The following PCDH15 variants were observed in gnomAD, a reference collection of about 807,000 sequenced individuals.
The protein encoded by PCDH15 is protocadherin-15.
A neutral mutation model predicts 178.5 loss-of-function variants in PCDH15; 129 were observed. The ratio of observed to expected loss-of-function variants is 0.72; its 90% CI spans 0.63 to 0.84. The LOEUF is 0.84. Ranked by LOEUF, PCDH15 falls within the 40% of genes least tolerant of loss-of-function variation. The pLI is 0.00. For synonymous variants in PCDH15, 800 were observed against 732.0 expected (o/e 1.09, Z -1.50); for missense variants, 2,230 against 2,099.9 (o/e 1.06, Z -1.21).
chr10:54,071,178 G>A (rs927060815), intron 17 of PCDH15, among the ~76,000 whole-genome samples: 1 of 151,978 alleles, frequency 6.6e-6, no homozygotes, highest in Non-Finnish European at 1.5e-5. Flanking sequence ...AATGCGCCTT[G>A]TATTATACAG....
At chr10:55,028,067 C>T (rs1447857043) in intron 2 of PCDH15, among the ~76,000 whole-genome samples, 3 of 151,862 alleles carry the variant, frequency 2.0e-5, no homozygotes, top group Admixed American at 6.6e-5. Flanking sequence ...AGTAATTGAA[C>T]TCATGTATTG....
chr10:54,728,192 A>G (rs1591317447), intron 1 of PCDH15, among the ~76,000 whole-genome samples: 1 of 151,492 alleles, frequency 6.6e-6, no homozygotes, highest in Non-Finnish European at 1.5e-5. Context: ...ACAAAATACT[A>G]GCAAACTGAA....
chr10:55,543,228 A>C (rs980160274), intron 2 of PCDH15, among the ~76,000 whole-genome samples: 2 of 150,836 alleles, frequency 1.3e-5, no homozygotes, highest in Non-Finnish European at 3.0e-5. Flanking sequence ...CATAATTATA[A>C]TTACAAATGT....
chr10:53,948,337 C>T (rs1360424195), intron 23 of PCDH15, among the ~76,000 whole-genome samples: 3 of 152,038 alleles, frequency 2.0e-5, no homozygotes, highest in Non-Finnish European at 4.4e-5. Flanking sequence ...TTTAGTGAGA[C>T]CGAGTGTACA....
intron 2 of PCDH15, among the ~76,000 whole-genome samples, chr10:55,380,480 C>CTAACA (rs1052639992): frequency 6.6e-6 from 1 of 152,090 alleles, no homozygotes; most frequent in Non-Finnish European, 1.5e-5. Context: ...TTGCAAACAA[C>CTAACA]TTTAGAAGAT....
At chr10:54,986,633 T>C (rs1839372296) in intron 2 of PCDH15, among the ~76,000 whole-genome samples, 1 of 152,276 alleles carries the variant, frequency 6.6e-6, no homozygotes, top group South Asian at 2.1e-4. Flanking sequence ...CAGAAAACTT[T>C]CAACAAAGCC....
intron 25 of PCDH15, chr10:53,905,312 C>T: frequency 2.0e-6 from 1 of 489,090 alleles, no homozygotes; most frequent in Non-Finnish European, 4.1e-6. Flanking sequence ...TTAAACCAAC[C>T]ACCATTCATA....
chr10:54,501,289 C>T lies in PCDH15; in HGVS notation c.157+26523G>A, dbSNP rs546165065. On this transcript the variant is annotated intron_variant, in intron 3 of 37. Coordinates refer to ENST00000644397, the MANE Select transcript of PCDH15 (RefSeq NM_001384140.1). ...AAGCAAGGGTGATCATAATGGAACA[C>T]TTTCACGTTGGATATCCAAAGGTAT... Among the ~76,000 whole-genome samples the T allele has an allele frequency of 8.9e-4, 133 of 150,204 alleles. 1 individual carries two copies. The highest frequency in any genetic ancestry group is 3.1e-3 in the African/African-American group (129 of 40,954).
chr10:54,926,558 T>C (rs1222788944), intron 2 of PCDH15, among the ~76,000 whole-genome samples: 1 of 152,180 alleles, frequency 6.6e-6, no homozygotes, highest in East Asian at 1.9e-4. Flanking sequence ...TTGGTAGAAA[T>C]CAGCTTTGAA....
intron 8 of PCDH15, among the ~76,000 whole-genome samples, chr10:54,283,194 A>G (rs7911706): frequency 0.21 from 32,229 of 152,034 alleles, 4,212 homozygotes; most frequent in African/African-American, 0.35. Flanking sequence ...ATGATATTTT[A>G]GCAAAGCTGG....
intron 2 of PCDH15, among the ~76,000 whole-genome samples, chr10:55,050,174 T>C (rs1200788145): frequency 6.6e-6 from 1 of 152,004 alleles, no homozygotes; most frequent in African/African-American, 2.4e-5. Flanking sequence ...TTAACCCATA[T>C]AGAAAAAAAT....
intron 1 of PCDH15, among the ~76,000 whole-genome samples, chr10:55,308,283 A>G (rs1843483358): frequency 6.6e-6 from 1 of 152,200 alleles, no homozygotes; most frequent in Non-Finnish European, 1.5e-5. Flanking sequence ...ACTACCAGAC[A>G]GGGCACACAA....
At chr10:55,242,119 G>A (rs1841558804) in intron 1 of PCDH15, among the ~76,000 whole-genome samples, 1 of 152,170 alleles carries the variant, frequency 6.6e-6, no homozygotes, top group Non-Finnish European at 1.5e-5. Context: ...GAGGCAGAGT[G>A]ATTATATGAA....
At chr10:54,951,523 T>C (rs939501771) in intron 2 of PCDH15, among the ~76,000 whole-genome samples, 3 of 151,902 alleles carry the variant, frequency 2.0e-5, no homozygotes, top group African/African-American at 7.2e-5. Context: ...GCTATAAACA[T>C]TGTGGGTGAA....
chr10:55,391,328 T>C (rs1837787415), intron 2 of PCDH15, among the ~76,000 whole-genome samples: 1 of 152,056 alleles, frequency 6.6e-6, no homozygotes, highest in African/African-American at 2.4e-5. Context: ...CTTCATAGAA[T>C]TGATGAGTTA....
chr10:54,414,097 A>C (rs2135693304), intron 3 of PCDH15, among the ~76,000 whole-genome samples: 1 of 152,304 alleles, frequency 6.6e-6, no homozygotes, highest in South Asian at 2.1e-4. Flanking sequence ...AAAACACTAC[A>C]AAAGAAAATT....
chr10:54,436,716 T>C (rs2075446251), intron 3 of PCDH15, among the ~76,000 whole-genome samples: 1 of 152,212 alleles, frequency 6.6e-6, no homozygotes, highest in Non-Finnish European at 1.5e-5. Flanking sequence ...AATATTTTAA[T>C]CCCCAAACAT....
chr10:54,208,940 G>T (rs1389792725), intron 10 of PCDH15, among the ~76,000 whole-genome samples: 3 of 151,922 alleles, frequency 2.0e-5, no homozygotes, highest in Non-Finnish European at 4.4e-5. Context: ...TCACCTTAAA[G>T]GAGTGCCAAT....
chr10:54,564,267 A>G (rs1201850753), intron 2 of PCDH15, among the ~76,000 whole-genome samples: 1 of 152,198 alleles, frequency 6.6e-6, no homozygotes, highest in Non-Finnish European at 1.5e-5. Context: ...ACATATCTGG[A>G]TATGAAAGAA....
Sources: gnomAD v4.1 joint callset for allele counts (sites outside exome capture counted in the v4.1 genomes callset) on GRCh38, gnomAD v4.1.1 for gene constraint, MANE v1.5 for transcripts, NCBI Gene and HGNC (gene_info 2026-07-23, HGNC 2026-07-21) for gene names.